Variants in KCTD10 observed in about 807,000 individuals in gnomAD.
The protein encoded by KCTD10 is potassium channel tetramerization domain containing 10.
In KCTD10, 13 loss-of-function variants were observed where a neutral mutation model predicts 34.6. The ratio of observed to expected loss-of-function variants is 0.38; its 90% CI spans 0.24 to 0.60. The LOEUF is 0.60. KCTD10 is among the 20% of genes least tolerant of loss of function. KCTD10 has a pLI of 0.66. For synonymous variants in KCTD10, 156 were observed against 168.8 expected (o/e 0.92, Z 0.59); for missense variants, 256 against 420.3 (o/e 0.61, Z 3.42).
intron 2 of KCTD10, chr12:109,469,107 T>G (rs1275314729): frequency 8.5e-6 from 2 of 233,946 alleles, no homozygotes; most frequent in Non-Finnish European, 1.7e-5. Flanking sequence ...GGTATTGTCA[T>G]GCCCATTTCA....
Position 109,469,559 on chromosome 12 carries a change from T to C in KCTD10, c.173A>G (p.Lys58Arg). ...TTCCATGCGCCCGCTGAACATGGCC[T>C]TCAGCATGGTGTCCTGCTTGGTCAG... ...QTLTKQDTML[K>R]AMFSGRMEVL... The change falls in exon 2 of 7, where the codon AAG (lysine) becomes AGG (arginine). Residue 58 changes from lysine to arginine, a missense_variant. By Grantham distance (26) the Lys-to-Arg change is conservative (BLOSUM62 2). Transcript: ENST00000228495. 6.2e-7 allele frequency: 1 copy of C among 1,614,232 alleles called. No homozygotes were observed. The highest frequency in any genetic ancestry group is 8.5e-7 in the Non-Finnish European group (1 of 1,180,038).
intron 1 of KCTD10, among the ~76,000 whole-genome samples, chr12:109,475,901 C>T (rs1305885207): frequency 6.6e-6 from 1 of 152,190 alleles, no homozygotes. Flanking sequence ...CATCAAATGA[C>T]ATTCTCTCCC....
chr12:109,465,045 A>C, intron 2 of KCTD10: 1 of 316,910 alleles, frequency 3.2e-6, no homozygotes, highest in Non-Finnish European at 6.3e-6. Context: ...CAAAGTGAAA[A>C]TATGATTGTC....
At chr12:109,464,060 A>G (rs1168133619) in intron 2 of KCTD10, among the ~76,000 whole-genome samples, 2 of 152,098 alleles carry the variant, frequency 1.3e-5, no homozygotes, top group African/African-American at 4.8e-5. Flanking sequence ...CCGTGAGCAT[A>G]CCATGTGCTT....
chr12:109,470,324 A>C, intron 1 of KCTD10: 1 of 985,580 alleles, frequency 1.0e-6, no homozygotes. Context: ...TCTGAGGACT[A>C]AACAACAGAC....
At chr12:109,469,885 G>A in intron 1 of KCTD10, 157 bp from the exon 2 acceptor site, 1 of 1,398,440 alleles carries the variant, frequency 7.2e-7, no homozygotes, top group Non-Finnish European at 9.4e-7. Flanking sequence ...AGAGCTCACA[G>A]AAAAATCTGG....
rs576991764 is a variant in KCTD10 at position 109,449,200 on chromosome 12, A to G, written c.*2395T>C. 11 of 152,340 alleles carry G rather than the reference A, an allele frequency of 7.2e-5. 1 individual carries two copies. In the South Asian group the frequency reaches 1.0e-3, roughly 14 times the overall value. The allele number at this position is 152,340 out of a possible 1,614,324, so 9.4% of individuals were successfully genotyped here. A position where few individuals can be genotyped will look rare whatever the true frequency, so the allele number is the denominator to read the frequency against. ...GAAAAATCAGTTCCTTGTATACTCA[A>G]TAACAGAGCTTGGACCAGCCAATGC... On this transcript the variant is annotated 3_prime_UTR_variant, in exon 7 of 7. Coordinates refer to ENST00000228495, the MANE Select transcript of KCTD10 (RefSeq NM_031954.5).
At position 109,451,679 on chromosome 12, in the gene KCTD10, G is replaced by A. The variant is rs778713247; in HGVS notation, c.858C>T (p.Asp286=). The A allele has an allele frequency of 1.1e-5, 17 of 1,613,588 alleles. No homozygotes were observed. The highest frequency in any genetic ancestry group is 2.2e-5 in the East Asian group (1 of 44,876). Residue 286 remains aspartate (D), a synonymous_variant, in exon 7 of 7, where the codon GAC becomes GAT. Coordinates refer to ENST00000228495, the MANE Select transcript of KCTD10 (RefSeq NM_031954.5). The surrounding 1 kb of genome is among the most constrained non-coding windows in gnomAD (Gnocchi z 5.0). ...GGAAGRSHHL[D]EDEERERIER... is the part of the protein sequence containing the mutation. Reference sequence around the variant, plus strand: ...CGATCCGCTCCCGCTCCTCGTCCTCGTCCAGGTGGTGGGAGCGCCCCGCCG... The same window carrying A: ...CGATCCGCTCCCGCTCCTCGTCCTCATCCAGGTGGTGGGAGCGCCCCGCCG...
chr12:109,462,747 C>A (rs1446468626), intron 2 of KCTD10, among the ~76,000 whole-genome samples: 1 of 152,148 alleles, frequency 6.6e-6, no homozygotes, highest in African/African-American at 2.4e-5. Flanking sequence ...CCATGCAATG[C>A]CAGAAACCCA....
intron 1 of KCTD10, among the ~76,000 whole-genome samples, chr12:109,474,704 A>G (rs181101303): frequency 1.1e-4 from 16 of 152,352 alleles, no homozygotes; most frequent in Middle Eastern, 3.4e-3. Context: ...CCAAAACACC[A>G]TAAACCAAAG....
intron 2 of KCTD10, among the ~76,000 whole-genome samples, chr12:109,464,411 C>A (rs1873496536): frequency 6.6e-6 from 1 of 152,128 alleles, no homozygotes; most frequent in Admixed American, 6.6e-5. Context: ...ACCATCATCC[C>A]CAAGAAACAA....
intron 6 of KCTD10, among the ~76,000 whole-genome samples, chr12:109,452,713 T>G (rs1360773206): frequency 6.6e-6 from 1 of 152,196 alleles, no homozygotes; most frequent in Non-Finnish European, 1.5e-5. Flanking sequence ...TGTTTGCTGC[T>G]GCCAGCACTG....
intron 2 of KCTD10, among the ~76,000 whole-genome samples, chr12:109,463,511 T>TG (rs1306444758): frequency 3.3e-5 from 5 of 152,208 alleles, no homozygotes; most frequent in South Asian, 2.1e-4. Flanking sequence ...TCCTCGCATG[T>TG]GGGGGGTCTC....
At chr12:109,474,608 A>G (rs558612967) in intron 1 of KCTD10, among the ~76,000 whole-genome samples, 206 of 152,242 alleles carry the variant, frequency 1.4e-3, no homozygotes, top group African/African-American at 4.8e-3. Flanking sequence ...CCACTATTCT[A>G]AAAAGCACTG....
chr12:109,460,610 A>C lies in KCTD10; in HGVS notation c.387+26T>G, dbSNP rs369011962. The stretch of plus-strand genomic sequence containing the variant: ...AGGTAGGCTTGGTGCCTCTCCACCC[A>C]TATGGGAAGAAAGGGTGATGCCTAC... On this transcript the variant is annotated intron_variant, in intron 3 of 6. Transcript: ENST00000228495. This position sits in a 1 kb window ranked among gnomAD's most constrained non-coding sequence, Gnocchi z 4.5. The C allele has an allele frequency of 6.6e-5, 106 of 1,605,896 alleles. No individual in the cohort carries two copies. Among genetic ancestry groups the C allele is most frequent in the Admixed American group, 5.5e-4 (33 of 59,490 alleles).
At position 109,451,249 on chromosome 12, in the gene KCTD10, C is replaced by T. The variant is rs1285279220; in HGVS notation, c.*346G>A. On this transcript the variant is annotated 3_prime_UTR_variant, in exon 7 of 7. Transcript: ENST00000228495. This position sits in a 1 kb window ranked among gnomAD's most constrained non-coding sequence, Gnocchi z 5.0. ...CACCCAAAAAGCCCACATAGGAAGT[C>T]GACACCCACAAAAATAAATATTGCA... 4.8e-6 allele frequency: 1 copy of T among 210,014 alleles called. No homozygotes were observed. Among genetic ancestry groups the T allele is most frequent in the Non-Finnish European group, 9.4e-6 (1 of 106,604 alleles). 13.0% of individuals were successfully genotyped at this position (210,014 alleles called of 1,614,324 possible).
Position 109,457,603 on chromosome 12 carries a change from AGCTGTCT to A in KCTD10, c.527+20_527+26del. The A allele has an allele frequency of 6.2e-7, 1 of 1,609,940 alleles. No homozygotes were observed. The highest frequency in any genetic ancestry group is 8.5e-7 in the Non-Finnish European group (1 of 1,176,158). ...GAGTGGAGGTTTTCCTAGTAAATGG[AGCTGTCT>A]TTCCCGGCTGACGCCTTACCTGGTA... On this transcript the variant is annotated intron_variant, in intron 5 of 6. Transcript: ENST00000228495.
Position 109,469,745 on chromosome 12 carries a change from T to C in KCTD10, c.4-17A>G, listed in dbSNP as rs768923691. On this transcript the variant is annotated splice_polypyrimidine_tract_variant and intron_variant, in intron 1 of 6. Coordinates refer to ENST00000228495, the MANE Select transcript of KCTD10 (RefSeq NM_031954.5). Reference sequence around the variant, plus strand: ...CATCTCTTCCTGCCAGTGGAGAGGATACAGGGTCATGACATCAGGCCTGGT... The same window carrying C: ...CATCTCTTCCTGCCAGTGGAGAGGACACAGGGTCATGACATCAGGCCTGGT... 5 of 1,613,750 alleles carry C rather than the reference T, an allele frequency of 3.1e-6. No homozygotes were observed. In the Admixed American group the frequency reaches 8.3e-5, roughly 27 times the overall value.
In KCTD10 at chr12:109,469,955, A is replaced by G. The variant is rs906332023; in HGVS notation, c.4-227T>C. ...GGCTAGCAGGGGAACAACTGGTCAG[A>G]GCTGGGGTATTGGATGACCCCTAGA... On this transcript the variant is annotated intron_variant, in intron 1 of 6. Transcript: ENST00000228495. 4.6e-5 allele frequency: 57 copies of G among 1,243,514 alleles called. No individual in the cohort carries two copies. The East Asian group carries it at 1.6e-3, about 34-fold the overall frequency. The allele number at this position is 1,243,514 out of a possible 1,614,324, so 77.0% of individuals were successfully genotyped here.
Sources: allele counts gnomAD v4.1 joint callset (sites outside exome capture counted in the v4.1 genomes callset), GRCh38; gene constraint gnomAD v4.1.1; non-coding constraint Gnocchi (gnomAD v3.1); transcripts MANE v1.5; gene names NCBI Gene and HGNC (gene_info 2026-07-23, HGNC 2026-07-21).